ATP2C2: variants seen among roughly 807,000 people sequenced by gnomAD.
ATP2C2 encodes the protein ATPase secretory pathway Ca2+ transporting 2, also known as calcium-transporting ATPase type 2C member 2.
ATP2C2 carries 171 observed loss-of-function variants against 110.8 expected under a neutral mutation model. The observed-to-expected ratio is 1.54, with a 90% CI of 1.36 to 1.75. ATP2C2 has a LOEUF of 1.75. ATP2C2 is among the 40% of genes most tolerant of loss of function. The pLI, the probability that ATP2C2 is intolerant of heterozygous loss-of-function variation, is 0.00. For missense variants in ATP2C2, 1,963 were observed against 1,235.0 expected (o/e 1.59, Z -8.84); for synonymous variants, 804 against 508.4 (o/e 1.58, Z -7.82).
rs1911650711 is a variant in ATP2C2, at chr16:84,463,819, TTTAG to T, written c.*88_*91del. The T allele has an allele frequency of 8.5e-7, 1 of 1,182,890 alleles. No individual in the cohort carries two copies. The highest frequency in any genetic ancestry group is 1.8e-5 in the Admixed American group (1 of 54,094). The allele number at this position is 1,182,890 out of a possible 1,614,324, so 73.3% of individuals were successfully genotyped here. A position where few individuals can be genotyped will look rare whatever the true frequency, so the allele number is the denominator to read the frequency against. ...CCGTGTCTCCTCGTCAGGGGAGACT[TTTAG>T]GAGGCCGCAGCCTTCCATCACCGGA... On this transcript the variant is annotated 3_prime_UTR_variant, in exon 27 of 27. Coordinates refer to ENST00000262429, the MANE Select transcript of ATP2C2 (RefSeq NM_014861.4).
At chr16:84,394,838 G>T (rs149733884) in intron 1 of ATP2C2, among the ~76,000 whole-genome samples, 76 of 152,162 alleles carry the variant, frequency 5.0e-4, no homozygotes, top group African/African-American at 1.7e-3. Flanking sequence ...CAAGAACATC[G>T]CTCATATTTG....
At chr16:84,451,498 C>G (rs1469037379) in intron 17 of ATP2C2, among the ~76,000 whole-genome samples, 3 of 152,222 alleles carry the variant, frequency 2.0e-5, no homozygotes, top group Non-Finnish European at 4.4e-5. Flanking sequence ...GGACTTGTTG[C>G]CTGAGCCCTC....
At chr16:84,444,347 C>G (rs1483546467) in intron 15 of ATP2C2, among the ~76,000 whole-genome samples, 1 of 152,030 alleles carries the variant, frequency 6.6e-6, no homozygotes, top group Admixed American at 6.6e-5. Context: ...GTGGTGCACA[C>G]CTGTAATCCC....
At position 84,431,950 on chromosome 16, in the gene ATP2C2, G is replaced by T. The variant is rs1908319374; in HGVS notation, c.986+6149G>T. ...GACGCCGAGCTGTGCTGGGGACAGT[G>T]GGGTTTGGGGCATTGGAAGAGCACC... is the stretch of plus-strand genomic sequence containing the variant. On this transcript the variant is annotated intron_variant, in intron 11 of 26. Transcript: ENST00000262429. Among the ~76,000 whole-genome samples, 3 of 152,056 alleles carry T rather than the reference G, an allele frequency of 2.0e-5. No homozygotes were observed. In the South Asian group the frequency reaches 6.2e-4, roughly 32 times the overall value.
At chr16:84,463,334 C>G (rs546268089) in intron 26 of ATP2C2, among the ~76,000 whole-genome samples, 1 of 152,156 alleles carries the variant, frequency 6.6e-6, no homozygotes, top group Non-Finnish European at 1.5e-5. Context: ...GAAACTCATT[C>G]CCCTTCCAGC....
At chr16:84,372,528 G>C (rs912199758) in intron 1 of ATP2C2, among the ~76,000 whole-genome samples, 21 of 151,998 alleles carry the variant, frequency 1.4e-4, no homozygotes, top group African/African-American at 4.6e-4. Context: ...CTGCCTCCCA[G>C]ATTCTCCTGC....
In ATP2C2 at chr16:84,460,748, C is replaced by T. The variant is rs760470970; in HGVS notation, c.2428C>T (p.Leu810Phe). Residue 810 changes from leucine to phenylalanine, a missense_variant, in exon 24 of 27, where the codon CTC becomes TTC. Leu to Phe is a conservative substitution (Grantham distance 22). Coordinates refer to ENST00000262429, the MANE Select transcript of ATP2C2 (RefSeq NM_014861.4). ...ILSRALILKI[L>F]MSAAIIISGT... Reference sequence around the variant, plus strand: ...CAGCAGAGCCCTCATCCTGAAGATCCTCATGTCCGCGGCCATCATCATCAG... The same window carrying T: ...CAGCAGAGCCCTCATCCTGAAGATCTTCATGTCCGCGGCCATCATCATCAG... 1.6e-5 allele frequency: 26 copies of T among 1,614,030 alleles called. No homozygotes were observed. The highest frequency in any genetic ancestry group is 1.6e-4 in the Middle Eastern group (1 of 6,080).
intron 11 of ATP2C2, among the ~76,000 whole-genome samples, chr16:84,430,908 C>T (rs1426570243): frequency 6.6e-6 from 1 of 152,090 alleles, no homozygotes; most frequent in Non-Finnish European, 1.5e-5. Flanking sequence ...CAACCCAACC[C>T]CCCCACCTCA....
intron 16 of ATP2C2, 26 bp downstream of exon 16, chr16:84,446,456 T>C: frequency 6.6e-7 from 1 of 1,510,836 alleles, no homozygotes; most frequent in African/African-American, 1.4e-5. Context: ...CTTCAACCTC[T>C]TCTCTCTTTC....
At chr16:84,418,856 A>C (rs1358232797) in intron 7 of ATP2C2, among the ~76,000 whole-genome samples, 2 of 152,112 alleles carry the variant, frequency 1.3e-5, no homozygotes, top group Non-Finnish European at 2.9e-5. Flanking sequence ...CAAGGTGAAG[A>C]TATGGTCTGA....
chr16:84,383,184 A>G (rs1328503645), intron 1 of ATP2C2, among the ~76,000 whole-genome samples: 3 of 152,220 alleles, frequency 2.0e-5, no homozygotes, highest in African/African-American at 7.2e-5. Context: ...TCCACTAGGA[A>G]CCAGCCTCAC....
At chr16:84,436,691 T>C (rs921268912) in intron 11 of ATP2C2, among the ~76,000 whole-genome samples, 9 of 151,184 alleles carry the variant, frequency 6.0e-5, no homozygotes, top group Non-Finnish European at 1.5e-5. Flanking sequence ...GGAGGTTTGG[T>C]GGGGAGGATC....
rs760470970 is a variant in ATP2C2, at chr16:84,460,748, C to G, written c.2428C>G (p.Leu810Val). 6 of 1,614,030 alleles carry G rather than the reference C, an allele frequency of 3.7e-6. No homozygotes were observed. In the African/African-American group the frequency reaches 4.0e-5, roughly 11 times the overall value. Residue 810 changes from leucine to valine, a missense_variant, in exon 24 of 27, where the codon CTC (leucine) becomes GTC (valine). Physicochemically the swap from Leu to Val is conservative, Grantham distance 32. Transcript: ENST00000262429. ...ILSRALILKI[L>V]MSAAIIISGT... Reference sequence around the variant, plus strand: ...CAGCAGAGCCCTCATCCTGAAGATCCTCATGTCCGCGGCCATCATCATCAG... The same window carrying G: ...CAGCAGAGCCCTCATCCTGAAGATCGTCATGTCCGCGGCCATCATCATCAG...
At chr16:84,401,284 C>A (rs1041340900) in intron 2 of ATP2C2, among the ~76,000 whole-genome samples, 1 of 136,096 alleles carries the variant, frequency 7.3e-6, no homozygotes, top group Non-Finnish European at 1.5e-5. Context: ...AGTGCGGTGG[C>A]GCTATCTCAG....
chr16:84,415,699 A>T (rs1567708140), intron 7 of ATP2C2, 108 bp downstream of exon 7: 1 of 849,184 alleles, frequency 1.2e-6, no homozygotes, highest in East Asian at 2.6e-5. Context: ...ACACATGCTC[A>T]AACATACATG....
At position 84,425,779 on chromosome 16, in the gene ATP2C2, A is replaced by G; in HGVS notation, c.964A>G (p.Ser322Gly). Residue 322 changes from serine to glycine, a missense_variant, in exon 11 of 27, where the codon AGT becomes GGT. Coordinates refer to ENST00000262429, the MANE Select transcript of ATP2C2 (RefSeq NM_014861.4). ...CTGGTCGCAAGGGAAACAACTCCTGAGTATGTTCACGATCGGGGTCAGGTA... is the reference window on the plus strand; with the variant it reads ...CTGGTCGCAAGGGAAACAACTCCTGGGTATGTTCACGATCGGGGTCAGGTA... Reference protein sequence around the residue: ...IGWSQGKQLLSMFTIGVSLAV... With the variant: ...IGWSQGKQLLGMFTIGVSLAV... 7 of 1,614,112 alleles carry G rather than the reference A, an allele frequency of 4.3e-6. No homozygotes were observed. The highest frequency in any genetic ancestry group is 5.9e-6 in the Non-Finnish European group (7 of 1,180,028).
intron 1 of ATP2C2, among the ~76,000 whole-genome samples, chr16:84,377,555 C>T (rs1276143043): frequency 1.3e-5 from 2 of 152,024 alleles, no homozygotes; most frequent in Non-Finnish European, 2.9e-5. Context: ...ATACGGTTGT[C>T]CTCTGTGCAT....
chr16:84,377,106 AG>A (rs1268571856), intron 1 of ATP2C2, among the ~76,000 whole-genome samples: 1 of 152,130 alleles, frequency 6.6e-6, no homozygotes, highest in East Asian at 1.9e-4. Flanking sequence ...AGACTGAGTG[AG>A]TAGTGGAAGC....
At chr16:84,426,058 A>G in intron 11 of ATP2C2, 1 of 461,706 alleles carries the variant, frequency 2.2e-6, no homozygotes, top group Non-Finnish European at 3.9e-6. Flanking sequence ...TGCTAAAAAA[A>G]AAAAAAATAC....
Sources: allele counts gnomAD v4.1 joint callset (sites outside exome capture counted in the v4.1 genomes callset), GRCh38; gene constraint gnomAD v4.1.1; transcripts MANE v1.5; gene names NCBI Gene and HGNC (gene_info 2026-07-23, HGNC 2026-07-21).